ATXN7L1: variants seen among roughly 807,000 people sequenced by gnomAD.
ATXN7L1 encodes ataxin 7 like 1.
Under a neutral mutation model 70.8 loss-of-function variants are expected in ATXN7L1, and 15 were observed. The ratio of observed to expected loss-of-function variants is 0.21; its 90% CI spans 0.14 to 0.33. The LOEUF is 0.33. Among genes scored for constraint, ATXN7L1 ranks in the 10% least tolerant of loss-of-function variants. The pLI, the probability that ATXN7L1 is intolerant of heterozygous loss-of-function variation, is 1.00. For synonymous variants in ATXN7L1, 440 were observed against 445.1 expected (o/e 0.99, Z 0.14); for missense variants, 975 against 1,097.1 (o/e 0.89, Z 1.57).
intron 2 of ATXN7L1, among the ~76,000 whole-genome samples, chr7:105,813,153 C>T (rs938612229): frequency 3.9e-5 from 6 of 152,180 alleles, no homozygotes; most frequent in African/African-American, 7.2e-5. Flanking sequence ...TTTCCACATA[C>T]ATTTCATGAC....
chr7:105,691,140 G>A (rs960866790), intron 3 of ATXN7L1, among the ~76,000 whole-genome samples: 3 of 152,154 alleles, frequency 2.0e-5, no homozygotes, highest in Admixed American at 6.5e-5. Flanking sequence ...CATGTTTTGG[G>A]TCACCAAATG....
chr7:105,740,007 A>C (rs974928172), intron 3 of ATXN7L1, among the ~76,000 whole-genome samples: 5 of 152,232 alleles, frequency 3.3e-5, no homozygotes, highest in Non-Finnish European at 5.9e-5. Flanking sequence ...ACTTTTCATG[A>C]AGACTATATA....
At chr7:105,748,628 A>T (rs1235623718) in intron 3 of ATXN7L1, among the ~76,000 whole-genome samples, 1 of 152,144 alleles carries the variant, frequency 6.6e-6, no homozygotes, top group African/African-American at 2.4e-5. Flanking sequence ...CCTGGGTATG[A>T]CTGAGCTAGA....
chr7:105,872,850 A>G (rs1025826734), intron 2 of ATXN7L1, among the ~76,000 whole-genome samples: 2 of 152,182 alleles, frequency 1.3e-5, no homozygotes, highest in Admixed American at 1.3e-4. Context: ...CAAAAAAAAA[A>G]AAACATCAAA....
chr7:105,866,171 T>G (rs1487323634), intron 2 of ATXN7L1, among the ~76,000 whole-genome samples: 1 of 152,174 alleles, frequency 6.6e-6, no homozygotes, highest in Non-Finnish European at 1.5e-5. Context: ...CCCCTACAGT[T>G]AAGGGTATCC....
At chr7:105,770,584 G>C (rs1030472981) in intron 3 of ATXN7L1, among the ~76,000 whole-genome samples, 2 of 152,134 alleles carry the variant, frequency 1.3e-5, no homozygotes, top group Non-Finnish European at 2.9e-5. Flanking sequence ...GACCTCAAGA[G>C]GGACAGCAGA....
chr7:105,855,233 G>A (rs564883196), intron 2 of ATXN7L1, among the ~76,000 whole-genome samples: 19 of 152,282 alleles, frequency 1.2e-4, no homozygotes, highest in African/African-American at 3.4e-4. Flanking sequence ...GATCACAGGC[G>A]TGAGCCACTG....
At chr7:105,626,435 A>G (rs1367428494) in intron 7 of ATXN7L1, among the ~76,000 whole-genome samples, 17 of 152,236 alleles carry the variant, frequency 1.1e-4, no homozygotes, top group Non-Finnish European at 2.5e-4. Context: ...CAACATTGTG[A>G]ATGTATTTAA....
intron 2 of ATXN7L1, among the ~76,000 whole-genome samples, chr7:105,801,254 A>C (rs2116515530): frequency 6.6e-6 from 1 of 152,344 alleles, no homozygotes; most frequent in Non-Finnish European, 1.5e-5. Flanking sequence ...AATCACTGTT[A>C]AAAGTCACCA....
chr7:105,876,586 C>T lies in ATXN7L1; in HGVS notation c.-28G>A. 3.0e-6 allele frequency: 3 copies of T among 997,456 alleles called. No homozygotes were observed. The highest frequency in any genetic ancestry group is 6.7e-5 in the East Asian group (1 of 15,030). The allele number at this position is 997,456 out of a possible 1,614,324, so 61.8% of individuals were successfully genotyped here. A position where few individuals can be genotyped will look rare whatever the true frequency, so the allele number is the denominator to read the frequency against. On this transcript the variant is annotated 5_prime_UTR_variant, in exon 1 of 12. Transcript: ENST00000419735. Reference sequence around the variant, plus strand: ...TCGGAACGTTCCGACATTGAGTGTTCTGAAAGGGGGAGGGAGGGAGGAAGG... The same window carrying T: ...TCGGAACGTTCCGACATTGAGTGTTTTGAAAGGGGGAGGGAGGGAGGAAGG...
At chr7:105,653,160 A>C (rs897480504) in intron 4 of ATXN7L1, among the ~76,000 whole-genome samples, 3 of 152,104 alleles carry the variant, frequency 2.0e-5, no homozygotes, top group Admixed American at 2.0e-4. Flanking sequence ...TTTAATCTCT[A>C]TGTTAGCAAT....
At chr7:105,841,020 T>C (rs563588097) in intron 2 of ATXN7L1, among the ~76,000 whole-genome samples, 1 of 152,332 alleles carries the variant, frequency 6.6e-6, no homozygotes, top group African/African-American at 2.4e-5. Context: ...CCAGGACAGA[T>C]CACTTGGGCA....
rs901938886 is a variant in ATXN7L1 at position 105,656,888 on chromosome 7, T to A, written c.578+8178A>T. 3.3e-5 allele frequency among the ~76,000 whole-genome samples: 5 copies of A among 152,282 alleles called. No homozygotes were observed. The South Asian group carries it at 1.0e-3, about 32-fold the overall frequency. Reference sequence around the variant, plus strand: ...GGCCTCCCCCTTTCTTGTAATGCAGTTATTTTTTTAAGCTACTCAGTCACA... The same window carrying A: ...GGCCTCCCCCTTTCTTGTAATGCAGATATTTTTTTAAGCTACTCAGTCACA... On this transcript the variant is annotated intron_variant, in intron 4 of 11. Transcript: ENST00000419735.
At chr7:105,731,750 A>AG (rs1796569227) in intron 3 of ATXN7L1, among the ~76,000 whole-genome samples, 1 of 93,176 alleles carries the variant, frequency 1.1e-5, no homozygotes, top group Admixed American at 1.1e-4. Flanking sequence ...TACTCCTTAA[A>AG]AAGAAAAGAA....
intron 3 of ATXN7L1, among the ~76,000 whole-genome samples, chr7:105,673,489 C>T (rs1240610631): frequency 6.6e-6 from 1 of 152,248 alleles, no homozygotes; most frequent in Non-Finnish European, 1.5e-5. Context: ...CACTTGACAG[C>T]ATGGAGTCTC....
chr7:105,706,544 A>ACAC (rs748288595), intron 3 of ATXN7L1, among the ~76,000 whole-genome samples: 37 of 152,074 alleles, frequency 2.4e-4, no homozygotes, highest in African/African-American at 7.5e-4. Flanking sequence ...ACAGCAAAAA[A>ACAC]CACCACCACC....
chr7:105,725,339 C>T (rs1489291756), intron 3 of ATXN7L1, among the ~76,000 whole-genome samples: 6 of 152,270 alleles, frequency 3.9e-5, no homozygotes, highest in African/African-American at 9.6e-5. Flanking sequence ...CTCCCCATGC[C>T]GGAGCCAGTT....
chr7:105,876,041 T>C (rs1819230448), intron 1 of ATXN7L1, among the ~76,000 whole-genome samples, 161 bp from the exon 2 acceptor site: 1 of 152,072 alleles, frequency 6.6e-6, no homozygotes, highest in South Asian at 2.1e-4. Flanking sequence ...TTCTCCCAAG[T>C]CTGGGTTTCC....
At chr7:105,864,765 C>G (rs1164655077) in intron 2 of ATXN7L1, among the ~76,000 whole-genome samples, 3 of 152,026 alleles carry the variant, frequency 2.0e-5, no homozygotes. Flanking sequence ...TCCCAAGCAG[C>G]TAGGACTACA....
Sources: gnomAD v4.1 joint callset for allele counts (sites outside exome capture counted in the v4.1 genomes callset) on GRCh38, gnomAD v4.1.1 for gene constraint, MANE v1.5 for transcripts, NCBI Gene and HGNC (gene_info 2026-07-23, HGNC 2026-07-21) for gene names.